The following ADGRA3 variants were observed in gnomAD, a reference collection of about 807,000 sequenced individuals.
ADGRA3 encodes the protein adhesion G protein-coupled receptor A3.
Under a neutral mutation model 119.8 loss-of-function variants are expected in ADGRA3, and 56 were observed. The ratio of observed to expected loss-of-function variants is 0.47; its 90% CI spans 0.38 to 0.58. The LOEUF (loss-of-function observed/expected upper bound fraction) is 0.58. ADGRA3 is among the 20% of genes least tolerant of loss of function. ADGRA3 has a pLI of 0.00. For synonymous variants in ADGRA3, 607 were observed against 623.8 expected (o/e 0.97, Z 0.40); for missense variants, 1,516 against 1,649.0 (o/e 0.92, Z 1.40).
chr4:22,407,474 C>T (rs1429778438), intron 14 of ADGRA3, among the ~76,000 whole-genome samples: 2 of 151,952 alleles, frequency 1.3e-5, no homozygotes, highest in African/African-American at 2.4e-5. Flanking sequence ...GTATGAGACA[C>T]CTTTGAGTAG....
chr4:22,504,955 G>T (rs748288844), intron 1 of ADGRA3, among the ~76,000 whole-genome samples: 2 of 152,036 alleles, frequency 1.3e-5, no homozygotes, highest in Non-Finnish European at 2.9e-5. Flanking sequence ...TGATTCAAAC[G>T]CAAGGTTGAA....
intron 14 of ADGRA3, among the ~76,000 whole-genome samples, chr4:22,408,788 T>C (rs1715061494): frequency 6.6e-6 from 1 of 152,174 alleles, no homozygotes; most frequent in South Asian, 2.1e-4. Context: ...CACTCCTGAG[T>C]GTACATGTCC....
intron 16 of ADGRA3, chr4:22,398,206 C>A: frequency 1.1e-6 from 1 of 879,788 alleles, no homozygotes; most frequent in South Asian, 5.2e-5. Context: ...ATAGTGGTAA[C>A]AGGTAACATT....
chr4:22,481,453 A>G (rs1029441862), intron 1 of ADGRA3, among the ~76,000 whole-genome samples: 7 of 152,190 alleles, frequency 4.6e-5, no homozygotes, highest in Non-Finnish European at 8.8e-5. Context: ...CAGTGTTTAA[A>G]TTTTTAAATG....
intron 1 of ADGRA3, chr4:22,477,699 T>C (rs1718100795): frequency 6.6e-6 from 1 of 152,192 alleles, no homozygotes; most frequent in Non-Finnish European, 1.5e-5. Flanking sequence ...AAATGATAGA[T>C]TTTATTGAGG....
chr4:22,448,225 A>T (rs1459947880), intron 4 of ADGRA3, among the ~76,000 whole-genome samples: 4 of 152,194 alleles, frequency 2.6e-5, no homozygotes, highest in African/African-American at 9.6e-5. Context: ...TCGGGGGAGG[A>T]CGGCCTGTGT....
intron 4 of ADGRA3, among the ~76,000 whole-genome samples, chr4:22,451,403 C>T (rs1717035597): frequency 1.3e-5 from 2 of 151,940 alleles, no homozygotes; most frequent in Admixed American, 1.3e-4. Flanking sequence ...TTATTGGCTC[C>T]CCGTTTGGTC....
At chr4:22,436,391 T>A in intron 9 of ADGRA3, 49 bp downstream of exon 9, 2 of 1,404,494 alleles carry the variant, frequency 1.4e-6, no homozygotes, top group Non-Finnish European at 2.0e-6. Flanking sequence ...TTGGTTTGAA[T>A]ACCATGTTTT....
chr4:22,448,626 G>A (rs561450718), intron 4 of ADGRA3, among the ~76,000 whole-genome samples: 1 of 152,338 alleles, frequency 6.6e-6, no homozygotes, highest in Admixed American at 6.5e-5. Context: ...TGATCAGGAA[G>A]AGGTCAGCTG....
At chr4:22,443,104 G>A in intron 6 of ADGRA3, 1 of 681,250 alleles carries the variant, frequency 1.5e-6, no homozygotes, top group Admixed American at 2.3e-5. Context: ...CTCTTCAGTG[G>A]CATCCTAAGA....
intron 1 of ADGRA3, among the ~76,000 whole-genome samples, chr4:22,486,202 G>T (rs1287411239): frequency 6.6e-6 from 1 of 152,000 alleles, no homozygotes; most frequent in Non-Finnish European, 1.5e-5. Context: ...ATATTTTTAT[G>T]CTTCTTCTAT....
At chr4:22,502,792 C>T (rs1272670783) in intron 1 of ADGRA3, among the ~76,000 whole-genome samples, 1 of 150,530 alleles carries the variant, frequency 6.6e-6, no homozygotes, top group African/African-American at 2.4e-5. Context: ...AAGCCTTGAC[C>T]TTGTATGTTT....
At chr4:22,476,993 T>A (rs1560336864) in intron 1 of ADGRA3, among the ~76,000 whole-genome samples, 2 of 152,120 alleles carry the variant, frequency 1.3e-5, no homozygotes, top group South Asian at 2.1e-4. Context: ...TTTATAATCC[T>A]GCAATATCTT....
chr4:22,510,621 A>G (rs1473468605), intron 1 of ADGRA3, among the ~76,000 whole-genome samples: 1 of 151,730 alleles, frequency 6.6e-6, no homozygotes, highest in East Asian at 1.9e-4. Flanking sequence ...AGCTCTCTCC[A>G]CTATTCGTCC....
At chr4:22,442,479 T>C (rs1039446529) in intron 7 of ADGRA3, among the ~76,000 whole-genome samples, 171 bp downstream of exon 7, 1 of 152,164 alleles carries the variant, frequency 6.6e-6, no homozygotes, top group Non-Finnish European at 1.5e-5. Flanking sequence ...AAGATGGCTA[T>C]TTAATTTTAG....
intron 1 of ADGRA3, among the ~76,000 whole-genome samples, chr4:22,512,726 TA>T (rs1719490950): frequency 6.6e-6 from 1 of 152,162 alleles, no homozygotes; most frequent in South Asian, 2.1e-4. Context: ...GAATTCTTCC[TA>T]AAGTCCTCAG....
chr4:22,497,552 C>T (rs75435172), intron 1 of ADGRA3, among the ~76,000 whole-genome samples: 2,481 of 152,098 alleles, frequency 0.016, 66 homozygotes, highest in African/African-American at 0.057. Flanking sequence ...AGGCCGGGCA[C>T]GGTGGCTCAC....
At chr4:22,449,100 G>GT (rs1716934320) in intron 4 of ADGRA3, among the ~76,000 whole-genome samples, 1 of 151,772 alleles carries the variant, frequency 6.6e-6, no homozygotes, top group South Asian at 2.1e-4. Context: ...GTGAAACTCC[G>GT]TCTCTACTAA....
At chr4:22,509,185 G>A (rs1719348259) in intron 1 of ADGRA3, among the ~76,000 whole-genome samples, 1 of 152,174 alleles carries the variant, frequency 6.6e-6, no homozygotes. Context: ...TGCCCCAGCA[G>A]AGAAACTCAC....
Sources: allele counts gnomAD v4.1 joint callset (sites outside exome capture counted in the v4.1 genomes callset), GRCh38; gene constraint gnomAD v4.1.1; transcripts MANE v1.5; gene names NCBI Gene and HGNC (gene_info 2026-07-23, HGNC 2026-07-21).